The following IL4 variants were observed in gnomAD, a reference collection of about 807,000 sequenced individuals.
IL4 encodes interleukin 4.
IL4 carries 10 observed loss-of-function variants against 17.4 expected under a neutral mutation model. The observed-to-expected ratio is 0.57, with a 90% CI of 0.35 to 0.97. The LOEUF (loss-of-function observed/expected upper bound fraction) is 0.97. IL4 is among the 50% of genes least tolerant of loss of function. The probability of loss-of-function intolerance (pLI) is 0.01; values close to 1 mark genes in which losing one functional copy is unlikely to be tolerated. For missense variants in IL4, 174 were observed against 187.7 expected (o/e 0.93, Z 0.43); for synonymous variants, 87 against 79.0 (o/e 1.10, Z -0.54).
intron 2 of IL4, among the ~76,000 whole-genome samples, chr5:132,675,929 ATGTGTGTGTGTGTGTG>A (rs2234664): frequency 7.1e-6 from 1 of 140,942 alleles, no homozygotes; most frequent in Admixed American, 7.1e-5. Context: ...GTGTATGTAT[ATGTGTGTGTGTGTGTG>A]TGTGTGTGTG....
At chr5:132,676,540 C>T (rs1752386733) in intron 2 of IL4, among the ~76,000 whole-genome samples, 1 of 152,112 alleles carries the variant, frequency 6.6e-6, no homozygotes, top group Admixed American at 6.5e-5. Flanking sequence ...CCCTCTCACA[C>T]ACACAAACAT....
Position 132,679,902 on chromosome 5 carries a change from T to C in IL4, c.360+12T>C, listed in dbSNP as rs1752454150. ...GCCTGGCGGGCTTGGTAAGCTGCAC[T>C]GTATTCCTGGCAAGCCGGCCGCGTG... is the stretch of plus-strand genomic sequence containing the variant. On this transcript the variant is annotated intron_variant, in intron 3 of 3. Transcript: ENST00000231449. 1 of 1,601,972 alleles carries C rather than the reference T, an allele frequency of 6.2e-7. No individual in the cohort carries two copies. The highest frequency in any genetic ancestry group is 8.5e-7 in the Non-Finnish European group (1 of 1,173,620).
intron 3 of IL4, among the ~76,000 whole-genome samples, chr5:132,681,259 G>C (rs1581046666): frequency 6.6e-6 from 1 of 152,336 alleles, no homozygotes; most frequent in South Asian, 2.1e-4. Flanking sequence ...TGACCAGTGA[G>C]GCAGGAGAAC....
At chr5:132,679,314 T>A (rs1180708249) in intron 2 of IL4, among the ~76,000 whole-genome samples, 1 of 152,224 alleles carries the variant, frequency 6.6e-6, no homozygotes, top group Non-Finnish European at 1.5e-5. Flanking sequence ...TGAGAGCTCA[T>A]GTGGGCACTT....
chr5:132,682,581 G>A lies in IL4; in HGVS notation c.456G>A (p.Ser152=), dbSNP rs371841361. 3.9e-5 allele frequency: 61 copies of A among 1,560,076 alleles called. No individual in the cohort carries two copies. In the South Asian group the frequency reaches 3.9e-4, roughly 10 times the overall value. Residue 152 remains serine (S), a synonymous_variant, in exon 4 of 4, where the codon TCG becomes TCA. Coordinates refer to ENST00000231449, the MANE Select transcript of IL4 (RefSeq NM_000589.4). ...TIMREKYSKC[S]S is the part of the protein sequence containing the mutation. ...TGAGAGAGAAATATTCAAAGTGTTC[G>A]AGCTGAATATTTTAATTTATGAGTT... is the stretch of plus-strand genomic sequence containing the variant.
In IL4 at chr5:132,675,927, A is replaced by ATGTGTGTGTGTGTG. The variant is rs1338820933; in HGVS notation, c.183+1422_183+1423insGTGTGTGTGTGTGT. 1.7e-4 allele frequency among the ~76,000 whole-genome samples: 7 copies of ATGTGTGTGTGTGTG among 41,054 alleles called. No individual in the cohort carries two copies. In the East Asian group the frequency reaches 7.5e-3, roughly 44 times the overall value. The allele number at this position is 41,054 out of a possible 152,430, so 26.9% of individuals were successfully genotyped here. On this transcript the variant is annotated intron_variant, in intron 2 of 3. Coordinates refer to ENST00000231449, the MANE Select transcript of IL4 (RefSeq NM_000589.4). ...TGTGTGTATGTATATATGTGTATGT[A>ATGTGTGTGTGTGTG]TATGTGTGTGTGTGTGTGTGTGTGT... is the stretch of plus-strand genomic sequence containing the variant.
rs2243273 is a variant in IL4, at chr5:132,679,068, C to T, written c.184-646C>T. Among the ~76,000 whole-genome samples the T allele has an allele frequency of 7.2e-3, 1,095 of 152,336 alleles. 16 individuals are homozygous for T. The highest frequency in any genetic ancestry group is 0.025 in the African/African-American group (1,050 of 41,568). On this transcript the variant is annotated intron_variant, in intron 2 of 3. Transcript: ENST00000231449. ...CTGCTCCCAGAGCCTCCTCTGATCT[C>T]CCAGGACACCTTTCCCTGATCTGTG...
chr5:132,674,340 T>A (rs1752339079), intron 1 of IL4, 119 bp from the exon 2 acceptor site: 1 of 1,358,790 alleles, frequency 7.4e-7, no homozygotes, highest in African/African-American at 1.4e-5. Context: ...CACTCTTTTT[T>A]CTGAGGGTTT....
At chr5:132,682,361 G>C (rs950598559) in intron 3 of IL4, 125 bp from the exon 4 acceptor site, 3 of 620,350 alleles carry the variant, frequency 4.8e-6, no homozygotes, top group Non-Finnish European at 8.6e-6. Context: ...TCCCAGTCAG[G>C]CTAGACTGGA....
chr5:132,679,954 C>G, intron 3 of IL4, 64 bp downstream of exon 3: 1 of 1,370,192 alleles, frequency 7.3e-7, no homozygotes, highest in Admixed American at 2.2e-5. Context: ...AGCCTCACTT[C>G]TAAACACTCC....
Position 132,682,574 on chromosome 5 carries a change from A to T in IL4, c.449A>T (p.Lys150Met), listed in dbSNP as rs149147538. 6.3e-7 allele frequency: 1 copy of T among 1,587,858 alleles called. No homozygotes were observed. The highest frequency in any genetic ancestry group is 1.3e-5 in the African/African-American group (1 of 74,460). ...LKTIMREKYS[K>M]CSS ...ACGATCATGAGAGAGAAATATTCAA[A>T]GTGTTCGAGCTGAATATTTTAATTT... Residue 150 changes from lysine (K) to methionine (M), a missense_variant, in exon 4 of 4, where the codon AAG (lysine) becomes ATG (methionine). Lys to Met is a moderately conservative substitution (Grantham distance 95). Transcript: ENST00000231449.
chr5:132,681,305 G>A (rs1752483667), intron 3 of IL4, among the ~76,000 whole-genome samples: 1 of 152,144 alleles, frequency 6.6e-6, no homozygotes, highest in Non-Finnish European at 1.5e-5. Flanking sequence ...AAGCCGTTGA[G>A]GACACTCAAG....
At chr5:132,677,450 G>A (rs1752401408) in intron 2 of IL4, among the ~76,000 whole-genome samples, 1 of 152,238 alleles carries the variant, frequency 6.6e-6, no homozygotes, top group Admixed American at 6.5e-5. Flanking sequence ...CCACGGCAGG[G>A]ATGGAGTGTC....
rs148980820 is a variant in IL4 at position 132,679,601 on chromosome 5, A to T, written c.184-113A>T. ...ATACTTGAAGACAGGTCTGTAGTTG[A>T]GCAAACTCACCTCCATTTGTCCTCC... On this transcript the variant is annotated intron_variant, in intron 2 of 3. Coordinates refer to ENST00000231449, the MANE Select transcript of IL4 (RefSeq NM_000589.4). 9.3e-4 allele frequency: 855 copies of T among 922,070 alleles called. 3 individuals are homozygous for T. The African/African-American group carries it at 0.011, about 12-fold the overall frequency. The allele number at this position is 922,070 out of a possible 1,614,324, so 57.1% of individuals were successfully genotyped here.
At position 132,680,454 on chromosome 5, in the gene IL4, C is replaced by T. The variant is rs1581046066; in HGVS notation, c.360+564C>T. ...GCAGATCACACAAGGCCTTTAGATTCCACCACGAGTATGGCAGGGAACACC... is the reference window on the plus strand; with the variant it reads ...GCAGATCACACAAGGCCTTTAGATTTCACCACGAGTATGGCAGGGAACACC... On this transcript the variant is annotated intron_variant, in intron 3 of 3. Coordinates refer to ENST00000231449, the MANE Select transcript of IL4 (RefSeq NM_000589.4). This position sits in a 1 kb window ranked among gnomAD's most constrained non-coding sequence, Gnocchi z 4.3. 1.3e-5 allele frequency among the ~76,000 whole-genome samples: 2 copies of T among 152,204 alleles called. No homozygotes were observed. Among genetic ancestry groups the T allele is most frequent in the East Asian group, 3.8e-4 (2 of 5,198 alleles).
At chr5:132,675,893 GTA>G (rs751368763) in intron 2 of IL4, among the ~76,000 whole-genome samples, 4 of 144,956 alleles carry the variant, frequency 2.8e-5, no homozygotes, top group Non-Finnish European at 3.0e-5. Context: ...ATGTGTGTGT[GTA>G]TATATATGTG....
rs747348861 is a variant in IL4, at chr5:132,679,835, A to T, written c.305A>T (p.Gln102Leu). ...ATAQQFHRHK[Q>L]LIRFLKRLDR... ...GCACAGCAGTTCCACAGGCACAAGC[A>T]GCTGATCCGATTCCTGAAACGGCTC... Residue 102 changes from glutamine to leucine, a missense_variant, in exon 3 of 4, where the codon CAG (glutamine) becomes CTG (leucine). Coordinates refer to ENST00000231449, the MANE Select transcript of IL4 (RefSeq NM_000589.4). 2 of 1,613,868 alleles carry T rather than the reference A, an allele frequency of 1.2e-6. No homozygotes were observed. Among genetic ancestry groups the T allele is most frequent in the Non-Finnish European group, 1.7e-6 (2 of 1,179,952 alleles).
chr5:132,679,855 C>A lies in IL4; in HGVS notation c.325C>A (p.Arg109=), dbSNP rs373334025. The A allele has an allele frequency of 1.2e-6, 2 of 1,613,740 alleles. No individual in the cohort carries two copies. Among genetic ancestry groups the A allele is most frequent in the Admixed American group, 3.3e-5 (2 of 59,998 alleles). ...RHKQLIRFLK[R]LDRNLWGLAG... Reference sequence around the variant, plus strand: ...CAAGCAGCTGATCCGATTCCTGAAACGGCTCGACAGGAACCTCTGGGGCCT... The same window carrying A: ...CAAGCAGCTGATCCGATTCCTGAAAAGGCTCGACAGGAACCTCTGGGGCCT... Residue 109 remains arginine, a synonymous_variant, in exon 3 of 4, where the codon CGG becomes AGG. Coordinates refer to ENST00000231449, the MANE Select transcript of IL4 (RefSeq NM_000589.4).
chr5:132,681,113 A>C (rs947107551), intron 3 of IL4, among the ~76,000 whole-genome samples: 2 of 152,332 alleles, frequency 1.3e-5, no homozygotes, highest in South Asian at 2.1e-4. Context: ...CAGAACTTGC[A>C]ATACAAAAAG....
Sources: allele counts gnomAD v4.1 joint callset (sites outside exome capture counted in the v4.1 genomes callset), GRCh38; gene constraint gnomAD v4.1.1; non-coding constraint Gnocchi (gnomAD v3.1); transcripts MANE v1.5; gene names NCBI Gene and HGNC (gene_info 2026-07-23, HGNC 2026-07-21).